CDH2: variants seen among roughly 807,000 people sequenced by gnomAD.
CDH2 encodes cadherin-2.
Under a neutral mutation model 92.0 loss-of-function variants are expected in CDH2, and 17 were observed. The ratio of observed to expected loss-of-function variants is 0.18; its 90% CI spans 0.13 to 0.28. The LOEUF is 0.28. Among genes scored for constraint, CDH2 ranks in the 10% least tolerant of loss-of-function variants. The pLI, the probability that CDH2 is intolerant of heterozygous loss-of-function variation, is 1.00. For missense variants in CDH2, 862 were observed against 1,133.1 expected (o/e 0.76, Z 3.44); for synonymous variants, 419 against 415.9 (o/e 1.01, Z -0.09).
At position 27,990,255 on chromosome 18, in the gene CDH2, T is replaced by C; in HGVS notation, c.1440A>G (p.Ser480=). The C allele has an allele frequency of 1.2e-6, 2 of 1,614,134 alleles. No individual in the cohort carries two copies. The highest frequency in any genetic ancestry group is 1.1e-5 in the South Asian group (1 of 91,084). Residue 480 remains serine, a synonymous_variant, in exon 10 of 16, where the codon TCA becomes TCG. Transcript: ENST00000269141. ...LAKGIQHPPQ[S]TATVSVTVID... is the part of the protein sequence containing the mutation. ...TAACTGTAACAGACACGGTTGCAGTTGACTGAGGGGGGTGCTGAATTCCCT... is the reference window on the plus strand; with the variant it reads ...TAACTGTAACAGACACGGTTGCAGTCGACTGAGGGGGGTGCTGAATTCCCT...
At chr18:28,052,428 G>A (rs996299783) in intron 2 of CDH2, among the ~76,000 whole-genome samples, 2 of 152,152 alleles carry the variant, frequency 1.3e-5, no homozygotes, top group Non-Finnish European at 2.9e-5. Context: ...TGTCATTGAA[G>A]AGTATACAGA....
At chr18:28,033,979 T>C (rs2013762459) in intron 2 of CDH2, among the ~76,000 whole-genome samples, 1 of 152,158 alleles carries the variant, frequency 6.6e-6, no homozygotes, top group Admixed American at 6.6e-5. Context: ...TTATACTCAA[T>C]TGAGCCATAC....
At chr18:27,988,190 C>G (rs1234590137) in intron 11 of CDH2, among the ~76,000 whole-genome samples, 1 of 152,068 alleles carries the variant, frequency 6.6e-6, no homozygotes, top group Admixed American at 6.6e-5. Flanking sequence ...TGAAAGGCAA[C>G]AGAGTGACTA....
chr18:27,998,301 T>C (rs1388717627), intron 7 of CDH2, among the ~76,000 whole-genome samples: 1 of 152,242 alleles, frequency 6.6e-6, no homozygotes, highest in Non-Finnish European at 1.5e-5. Context: ...CACAGTGCTA[T>C]GCACTATGCA....
chr18:28,161,112 C>T (rs2016299993), intron 1 of CDH2, among the ~76,000 whole-genome samples: 2 of 152,202 alleles, frequency 1.3e-5, no homozygotes, highest in Non-Finnish European at 2.9e-5. Flanking sequence ...AATGTTTTCT[C>T]TGCCCACTAT....
intron 2 of CDH2, among the ~76,000 whole-genome samples, chr18:28,031,782 T>C (rs1490804228): frequency 6.6e-6 from 1 of 152,180 alleles, no homozygotes; most frequent in African/African-American, 2.4e-5. Flanking sequence ...TTGTCTTTTA[T>C]AGATTTCATA....
intron 2 of CDH2, among the ~76,000 whole-genome samples, chr18:28,123,329 T>A (rs1429261230): frequency 6.6e-6 from 1 of 152,156 alleles, no homozygotes; most frequent in East Asian, 1.9e-4. Context: ...ATCCATGTAT[T>A]TTTGATAAGC....
chr18:28,069,663 T>C (rs1396022020), intron 2 of CDH2, among the ~76,000 whole-genome samples: 1 of 152,170 alleles, frequency 6.6e-6, no homozygotes, highest in African/African-American at 2.4e-5. Context: ...CCAGACTTGT[T>C]TGATACCTGT....
chr18:28,004,292 T>A lies in CDH2; in HGVS notation c.848-1123A>T, dbSNP rs181536741. On this transcript the variant is annotated intron_variant, in intron 6 of 15. Coordinates refer to ENST00000269141, the MANE Select transcript of CDH2 (RefSeq NM_001792.5). ...ACAAGGCTTACCACACAGCATATGC[T>A]TTATAAACATTTGCTGAATGAATGA... Among the ~76,000 whole-genome samples the A allele has an allele frequency of 2.0e-5, 3 of 152,302 alleles. No individual in the cohort carries two copies. The East Asian group carries it at 5.8e-4, about 29-fold the overall frequency.
At chr18:28,153,508 A>G (rs539000932) in intron 1 of CDH2, among the ~76,000 whole-genome samples, 15 of 152,378 alleles carry the variant, frequency 9.8e-5, no homozygotes, top group Non-Finnish European at 1.8e-4. Flanking sequence ...TCACATGCCC[A>G]GACATGGTTT....
chr18:28,016,513 G>C (rs1244436527), intron 2 of CDH2, among the ~76,000 whole-genome samples: 1 of 152,130 alleles, frequency 6.6e-6, no homozygotes, highest in Non-Finnish European at 1.5e-5. Flanking sequence ...AGAAGAAAAT[G>C]AATTAATACT....
intron 1 of CDH2, among the ~76,000 whole-genome samples, chr18:28,168,073 G>C (rs552690452): frequency 1.3e-5 from 2 of 152,256 alleles, no homozygotes; most frequent in Admixed American, 1.3e-4. Flanking sequence ...GGAGCGGGGG[G>C]ATTACATCCC....
chr18:27,993,349 G>C, intron 8 of CDH2, 151 bp downstream of exon 8: 2 of 701,680 alleles, frequency 2.9e-6, no homozygotes, highest in Non-Finnish European at 4.7e-6. Flanking sequence ...CCTCACGTAA[G>C]GCCCTGATGA....
intron 3 of CDH2, among the ~76,000 whole-genome samples, chr18:28,013,108 A>G (rs1278578738): frequency 6.6e-6 from 1 of 152,192 alleles, no homozygotes; most frequent in Non-Finnish European, 1.5e-5. Context: ...TGCTCAATAA[A>G]TATTTGTTGA....
At chr18:28,052,376 A>G (rs2144128928) in intron 2 of CDH2, among the ~76,000 whole-genome samples, 1 of 152,314 alleles carries the variant, frequency 6.6e-6, no homozygotes, top group East Asian at 1.9e-4. Context: ...AAGCCGTAGT[A>G]ACAGCAAATG....
chr18:27,988,443 G>T, intron 11 of CDH2, 81 bp downstream of exon 11: 1 of 1,244,600 alleles, frequency 8.0e-7, no homozygotes, highest in Non-Finnish European at 1.1e-6. Flanking sequence ...ATTGAGTTTT[G>T]TAGAAAACTT....
At chr18:28,093,760 A>C (rs1402397933) in intron 2 of CDH2, among the ~76,000 whole-genome samples, 2 of 152,234 alleles carry the variant, frequency 1.3e-5, no homozygotes, top group Non-Finnish European at 2.9e-5. Flanking sequence ...TAAAACTTGA[A>C]ACCTAGTAGT....
chr18:28,143,976 A>G (rs1279791037), intron 2 of CDH2, among the ~76,000 whole-genome samples: 3 of 152,000 alleles, frequency 2.0e-5, no homozygotes, highest in South Asian at 2.1e-4. Flanking sequence ...GGAGGGGAAC[A>G]ACACACACCA....
At chr18:28,007,165 A>AAAAAAATATATATATATATATATATATAT (rs1172779200) in intron 5 of CDH2, among the ~76,000 whole-genome samples, 2 of 110,462 alleles carry the variant, frequency 1.8e-5, no homozygotes, top group Non-Finnish European at 3.4e-5. Flanking sequence ...ATAAAAAAAA[A>AAAAAAATATATATATATATATATATATAT]ATATATATAT....
Sources: allele counts gnomAD v4.1 joint callset (sites outside exome capture counted in the v4.1 genomes callset), GRCh38; gene constraint gnomAD v4.1.1; transcripts MANE v1.5; gene names NCBI Gene and HGNC (gene_info 2026-07-23, HGNC 2026-07-21).